The following PMP2 variants were observed in gnomAD, a reference collection of about 807,000 sequenced individuals.
The protein encoded by PMP2 is peripheral myelin protein 2, also known as myelin P2 protein.
A neutral mutation model predicts 15.9 loss-of-function variants in PMP2; 11 were observed. The ratio of observed to expected loss-of-function variants is 0.69; its 90% CI spans 0.44 to 1.14. The LOEUF is 1.14. Ranked by LOEUF, PMP2 falls within the 50% of genes most tolerant of loss-of-function variation. The pLI is 0.00. For missense variants in PMP2, 151 were observed against 154.0 expected, an observed-to-expected ratio of 0.98 and a Z score of 0.10; for synonymous variants, 55 against 54.1, an observed-to-expected ratio of 1.02 and a Z score of -0.07.
At chr8:81,444,684 T>C (rs1807413747) in intron 2 of PMP2, 83 bp from the exon 3 acceptor site, 1 of 1,365,580 alleles carries the variant, frequency 7.3e-7, no homozygotes, top group Non-Finnish European at 1.0e-6. Context: ...ACCATTTTCA[T>C]AATAGATATA....
Position 81,440,364 on chromosome 8 carries a change from A to C in PMP2, c.*3034T>G, listed in dbSNP as rs1231254783. On this transcript the variant is annotated 3_prime_UTR_variant, in exon 4 of 4. Coordinates refer to ENST00000256103, the MANE Select transcript of PMP2 (RefSeq NM_002677.5). ...GAGAAATTATATTTATTGAGGAATA[A>C]ATTTTATAACAAGTTGTATTATCAC... The C allele has an allele frequency of 5.9e-5, 9 of 152,230 alleles. No individual in the cohort carries two copies. The highest frequency in any genetic ancestry group is 5.9e-4 in the Admixed American group (9 of 15,282). 9.4% of individuals were successfully genotyped at this position (152,230 alleles called of 1,614,324 possible).
Position 81,444,569 on chromosome 8 carries a change from A to G in PMP2, c.279T>C (p.Asn93=), listed in dbSNP as rs1416412125. The change falls in exon 3 of 4, where the codon AAT becomes AAC. Residue 93 remains asparagine, a synonymous_variant. Coordinates refer to ENST00000256103, the MANE Select transcript of PMP2 (RefSeq NM_002677.5). ...CTTTGCCATCCCATCTCTGCACTTGATTCAGTGATCCTCTCTGCAGGGTTA... is the reference window on the plus strand; with the variant it reads ...CTTTGCCATCCCATCTCTGCACTTGGTTCAGTGATCCTCTCTGCAGGGTTA... The part of the protein sequence containing the change: ...SIVTLQRGSL[N]QVQRWDGKET... 1 of 1,613,968 alleles carries G rather than the reference A, an allele frequency of 6.2e-7. No homozygotes were observed. Among genetic ancestry groups the G allele is most frequent in the Non-Finnish European group, 8.5e-7 (1 of 1,179,870 alleles).
At chr8:81,443,611 T>C (rs967430394) in intron 3 of PMP2, among the ~76,000 whole-genome samples, 163 bp from the exon 4 acceptor site, 2 of 152,142 alleles carry the variant, frequency 1.3e-5, no homozygotes, top group African/African-American at 4.8e-5. Flanking sequence ...ACCATTGAAA[T>C]AGAAGAAACA....
chr8:81,444,884 T>G lies in PMP2; in HGVS notation c.179A>C (p.Asn60Thr), dbSNP rs76057946. 50 of 1,613,650 alleles carry G rather than the reference T, an allele frequency of 3.1e-5. No individual in the cohort carries two copies. In the African/African-American group the frequency reaches 4.8e-4, roughly 15 times the overall value. Residue 60 changes from asparagine (N) to threonine (T), a missense_variant, in exon 2 of 4, where the codon AAT becomes ACT. Asn to Thr is a moderately conservative substitution (Grantham distance 65, BLOSUM62 0). Transcript: ENST00000256103. ...GCCTAGCTTGAAGGAGATTTCTGTA[T>G]TTTTAAAGGTACTTTCAGTTCGTAT... ...ITIRTESTFK[N>T]TEISFKLGQE...
chr8:81,444,806 T>G lies in PMP2; in HGVS notation c.246+11A>C, dbSNP rs1453183885. The G allele has an allele frequency of 3.1e-6, 5 of 1,611,524 alleles. No individual in the cohort carries two copies. Among genetic ancestry groups the G allele is most frequent in the East Asian group, 2.2e-5 (1 of 44,872 alleles). On this transcript the variant is annotated intron_variant, in intron 2 of 3. Transcript: ENST00000256103. The stretch of plus-strand genomic sequence containing the variant: ...ACTGGGCCAACTTTGAAGAGAAACA[T>G]TAAAGATTACCTTGGTCTTTCTATT...
Position 81,444,832 on chromosome 8 carries a change from G to A in PMP2, c.231C>T (p.Asp77=). The part of the protein sequence containing the change: ...LGQEFEETTA[D]NRKTKSIVTL... ...TAAAGATTACCTTGGTCTTTCTATT[G>A]TCAGCTGTGGTTTCTTCAAATTCCT... Residue 77 remains aspartate (D), a synonymous_variant, in exon 2 of 4, where the codon GAC becomes GAT. Coordinates refer to ENST00000256103, the MANE Select transcript of PMP2 (RefSeq NM_002677.5). The A allele has an allele frequency of 6.2e-7, 1 of 1,613,424 alleles. No homozygotes were observed. Among genetic ancestry groups the A allele is most frequent in the Non-Finnish European group, 8.5e-7 (1 of 1,179,848 alleles).
At chr8:81,443,668 C>T (rs1807395953) in intron 3 of PMP2, among the ~76,000 whole-genome samples, 1 of 152,002 alleles carries the variant, frequency 6.6e-6, no homozygotes, top group Non-Finnish European at 1.5e-5. Flanking sequence ...TTTTAAGTGG[C>T]AAGTTTTTAT....
chr8:81,447,295 A>G lies in PMP2; in HGVS notation c.73+19T>C, dbSNP rs1807463511. ...TTAAAAAGGAGCTTTTCAGCAGAAC[A>G]ACAAAAAGCATTTCTTACCCAGAGC... On this transcript the variant is annotated intron_variant, in intron 1 of 3. Transcript: ENST00000256103. 1 of 1,593,874 alleles carries G rather than the reference A, an allele frequency of 6.3e-7. No individual in the cohort carries two copies. Among genetic ancestry groups the G allele is most frequent in the South Asian group, 1.1e-5 (1 of 90,674 alleles).
At chr8:81,445,715 G>C (rs555268932) in intron 1 of PMP2, among the ~76,000 whole-genome samples, 2 of 151,976 alleles carry the variant, frequency 1.3e-5, no homozygotes, top group Admixed American at 1.3e-4. Context: ...TAGCATATAC[G>C]TATTGTTCTA....
Position 81,442,677 on chromosome 8 carries a change from A to G in PMP2, c.*721T>C, listed in dbSNP as rs1378004708. The G allele has an allele frequency of 1.3e-5, 2 of 152,132 alleles. No individual in the cohort carries two copies. The highest frequency in any genetic ancestry group is 4.8e-5 in the African/African-American group (2 of 41,436). 9.4% of individuals were successfully genotyped at this position (152,132 alleles called of 1,614,324 possible). ...CAGGTAAAATTAATCTATATGATAG[A>G]AACCAAACCACTACTTGCTTTTGGT... On this transcript the variant is annotated 3_prime_UTR_variant, in exon 4 of 4. Transcript: ENST00000256103.
intron 3 of PMP2, among the ~76,000 whole-genome samples, chr8:81,443,831 T>C (rs1453948214): frequency 6.6e-6 from 1 of 152,178 alleles, no homozygotes; most frequent in Non-Finnish European, 1.5e-5. Context: ...TCCATATTGG[T>C]ATTTACTCCC....
Sources: gnomAD v4.1 joint callset for allele counts (sites outside exome capture counted in the v4.1 genomes callset) on GRCh38, gnomAD v4.1.1 for gene constraint, MANE v1.5 for transcripts, NCBI Gene and HGNC (gene_info 2026-07-23, HGNC 2026-07-21) for gene names.